Variants in KCNK2 observed in about 807,000 individuals in gnomAD.
The protein encoded by KCNK2 is potassium two pore domain channel subfamily K member 2, also known as potassium channel subfamily K member 2.
A neutral mutation model predicts 40.5 loss-of-function variants in KCNK2; 21 were observed. The ratio of observed to expected loss-of-function variants is 0.52; its 90% CI spans 0.37 to 0.75. The LOEUF (loss-of-function observed/expected upper bound fraction) is 0.75. Among genes scored for constraint, KCNK2 ranks in the 30% least tolerant of loss-of-function variants. The probability of loss-of-function intolerance (pLI) is 0.00; values close to 1 mark genes in which losing one functional copy is unlikely to be tolerated. For missense variants in KCNK2, 399 were observed against 531.6 expected (o/e 0.75, Z 2.45); for synonymous variants, 191 against 202.2 (o/e 0.94, Z 0.47).
intron 1 of KCNK2, among the ~76,000 whole-genome samples, chr1:215,060,051 C>A (rs1658315418): frequency 6.6e-6 from 1 of 152,098 alleles, no homozygotes; most frequent in South Asian, 2.1e-4. Context: ...TAAAGGTACT[C>A]CCTCCTCTTA....
chr1:215,212,338 TTAA>T (rs1286496785), intron 6 of KCNK2, among the ~76,000 whole-genome samples: 2 of 152,158 alleles, frequency 1.3e-5, no homozygotes, highest in African/African-American at 4.8e-5. Context: ...ATTTTAAGTA[TTAA>T]TAACATTTTC....
At chr1:215,101,411 G>T (rs1042022099) in intron 2 of KCNK2, among the ~76,000 whole-genome samples, 7 of 151,834 alleles carry the variant, frequency 4.6e-5, no homozygotes, top group Non-Finnish European at 8.8e-5. Flanking sequence ...AGGTTTTTTG[G>T]GGTGGGCAGG....
chr1:215,081,384 A>G (rs1659149532), upstream of KCNK2, among the ~76,000 whole-genome samples: 1 of 152,188 alleles, frequency 6.6e-6, no homozygotes, highest in African/African-American at 2.4e-5. Context: ...TGAGAGGATC[A>G]GATTCACATT....
chr1:215,138,740 A>G (rs1662038990), intron 3 of KCNK2, among the ~76,000 whole-genome samples: 1 of 152,196 alleles, frequency 6.6e-6, no homozygotes, highest in African/African-American at 2.4e-5. Context: ...TGATAAAGCC[A>G]CTCTTGATGT....
intron 1 of KCNK2, among the ~76,000 whole-genome samples, chr1:215,039,340 C>T (rs543661915): frequency 2.0e-5 from 3 of 152,224 alleles, no homozygotes; most frequent in East Asian, 1.9e-4. Context: ...AAGGGTAGCT[C>T]GATCAGCCAC....
At chr1:215,058,335 G>A (rs977191579) in intron 1 of KCNK2, among the ~76,000 whole-genome samples, 1 of 152,214 alleles carries the variant, frequency 6.6e-6, no homozygotes, top group African/African-American at 2.4e-5. Flanking sequence ...GGAGCTGAGA[G>A]TTAATTGAAG....
intron 3 of KCNK2, among the ~76,000 whole-genome samples, chr1:215,125,071 A>T (rs1466580640): frequency 6.6e-6 from 1 of 152,100 alleles, no homozygotes; most frequent in Admixed American, 6.5e-5. Context: ...AATTTTCCTG[A>T]ATTTTTGATA....
At chr1:215,120,375 T>C (rs1266028780) in intron 2 of KCNK2, among the ~76,000 whole-genome samples, 1 of 152,210 alleles carries the variant, frequency 6.6e-6, no homozygotes, top group Non-Finnish European at 1.5e-5. Context: ...ACACCATGTA[T>C]GTTTCTTCTT....
At chr1:215,094,415 TAGATGCTAC>T (rs1216401793) in intron 2 of KCNK2, among the ~76,000 whole-genome samples, 1 of 152,088 alleles carries the variant, frequency 6.6e-6, no homozygotes, top group East Asian at 1.9e-4. Flanking sequence ...CCAGATTAAC[TAGATGCTAC>T]TTAAATGTCA....
At chr1:215,098,878 A>G (rs1171102722) in intron 2 of KCNK2, among the ~76,000 whole-genome samples, 12 of 151,910 alleles carry the variant, frequency 7.9e-5, no homozygotes, top group African/African-American at 4.8e-5. Context: ...ATTTTTCTCT[A>G]TGATGACTTA....
chr1:215,175,288 C>T (rs1398474129), intron 5 of KCNK2, among the ~76,000 whole-genome samples: 3 of 151,970 alleles, frequency 2.0e-5, no homozygotes, highest in African/African-American at 2.4e-5. Context: ...CACAATTCAG[C>T]CCATAACAGT....
At chr1:215,072,762 A>AT (rs369202015) in intron 1 of KCNK2, among the ~76,000 whole-genome samples, 2 of 152,146 alleles carry the variant, frequency 1.3e-5, no homozygotes, top group African/African-American at 2.4e-5. Flanking sequence ...ATAAATAATG[A>AT]TTTTTTGCAT....
chr1:215,224,198 T>C (rs1666294612), intron 6 of KCNK2, among the ~76,000 whole-genome samples: 1 of 152,158 alleles, frequency 6.6e-6, no homozygotes, highest in African/African-American at 2.4e-5. Flanking sequence ...TTAGCTACTA[T>C]TCAACAATGA....
intron 5 of KCNK2, among the ~76,000 whole-genome samples, chr1:215,187,552 CA>C (rs1664492738): frequency 6.6e-6 from 1 of 151,502 alleles, no homozygotes; most frequent in Non-Finnish European, 1.5e-5. Flanking sequence ...AAAAAAAACA[CA>C]TAAAGTGTTA....
chr1:215,220,804 T>C (rs1558146096), intron 6 of KCNK2, among the ~76,000 whole-genome samples: 1 of 120,370 alleles, frequency 8.3e-6, no homozygotes, highest in East Asian at 2.2e-4. Flanking sequence ...ATGCATATTA[T>C]GGCAAATGAC....
chr1:215,099,261 G>C (rs1660110021), intron 2 of KCNK2, among the ~76,000 whole-genome samples: 1 of 151,816 alleles, frequency 6.6e-6, no homozygotes, highest in South Asian at 2.1e-4. Context: ...GTGAGAACAT[G>C]TTATCTGGCT....
chr1:215,136,608 G>T (rs1661928861), intron 3 of KCNK2, among the ~76,000 whole-genome samples: 1 of 152,154 alleles, frequency 6.6e-6, no homozygotes, highest in Admixed American at 6.5e-5. Context: ...GTCCAGTGTG[G>T]ATAGGCAGGA....
intron 6 of KCNK2, among the ~76,000 whole-genome samples, chr1:215,195,477 G>A (rs1664826769): frequency 6.6e-6 from 1 of 151,626 alleles, no homozygotes; most frequent in Admixed American, 6.6e-5. Context: ...ATGAAATAGT[G>A]GATGTTTTAA....
At chr1:215,220,297 C>A (rs1666118735) in intron 6 of KCNK2, among the ~76,000 whole-genome samples, 1 of 152,098 alleles carries the variant, frequency 6.6e-6, no homozygotes, top group South Asian at 2.1e-4. Context: ...TCTTGTTATT[C>A]TCAATATGTT....
Sources: allele counts gnomAD v4.1 joint callset (sites outside exome capture counted in the v4.1 genomes callset), GRCh38; gene constraint gnomAD v4.1.1; transcripts MANE v1.5; gene names NCBI Gene and HGNC (gene_info 2026-07-23, HGNC 2026-07-21).